ADGRB3: variants seen among roughly 807,000 people sequenced by gnomAD.
The protein encoded by ADGRB3 is brain-specific angiogenesis inhibitor 3.
ADGRB3 carries 37 observed loss-of-function variants against 193.4 expected under a neutral mutation model. That is an observed-to-expected ratio of 0.19 (90% CI 0.15 to 0.25). ADGRB3 has a LOEUF of 0.25. Ranked by LOEUF, ADGRB3 falls within the 10% of genes least tolerant of loss-of-function variation. The pLI is 1.00. For missense variants in ADGRB3, 1,637 were observed against 1,852.9 expected (o/e 0.88, Z 2.14); for synonymous variants, 690 against 644.2 (o/e 1.07, Z -1.08).
At chr6:69,197,831 A>G (rs1254272067) in intron 17 of ADGRB3, among the ~76,000 whole-genome samples, 1 of 152,060 alleles carries the variant, frequency 6.6e-6, no homozygotes, top group African/African-American at 2.4e-5. Flanking sequence ...TTCATGAAGT[A>G]TTTTGCAAAA....
At chr6:68,865,268 T>C (rs1275953985) in intron 3 of ADGRB3, among the ~76,000 whole-genome samples, 1 of 152,122 alleles carries the variant, frequency 6.6e-6, no homozygotes, top group East Asian at 1.9e-4. Context: ...ATTTTGATAA[T>C]GAAAAGTCCA....
At chr6:68,951,710 T>G (rs1274881885) in intron 6 of ADGRB3, among the ~76,000 whole-genome samples, 1 of 152,174 alleles carries the variant, frequency 6.6e-6, no homozygotes, top group Non-Finnish European at 1.5e-5. Flanking sequence ...GAAAGACAGT[T>G]TCAGAAAGAA....
intron 11 of ADGRB3, among the ~76,000 whole-genome samples, chr6:69,011,741 A>G (rs1769943920): frequency 6.6e-6 from 1 of 152,126 alleles, no homozygotes; most frequent in Admixed American, 6.6e-5. Context: ...GCTATGAGCA[A>G]GTCATTATAT....
At chr6:68,817,307 GTATATATATA>G (rs60723627) in intron 3 of ADGRB3, among the ~76,000 whole-genome samples, 814 of 43,834 alleles carry the variant, frequency 0.019, 3 homozygotes, top group East Asian at 0.026. Flanking sequence ...TTTTGTCCAT[GTATATATATA>G]TATATATATA....
At chr6:68,853,627 CA>C (rs1156811960) in intron 3 of ADGRB3, among the ~76,000 whole-genome samples, 1 of 151,844 alleles carries the variant, frequency 6.6e-6, no homozygotes. Context: ...CTAAGGGGTG[CA>C]ACATTATTTA....
At chr6:69,281,025 T>A (rs1160745083) in intron 20 of ADGRB3, among the ~76,000 whole-genome samples, 1 of 152,204 alleles carries the variant, frequency 6.6e-6, no homozygotes, top group African/African-American at 2.4e-5. Flanking sequence ...TTAATTAGTA[T>A]GAAAGCTTAG....
chr6:69,361,728 C>G (rs973057298), intron 29 of ADGRB3, among the ~76,000 whole-genome samples: 2 of 151,494 alleles, frequency 1.3e-5, no homozygotes, highest in African/African-American at 4.8e-5. Flanking sequence ...TCCCCTTATT[C>G]AAGATAATAT....
intron 3 of ADGRB3, among the ~76,000 whole-genome samples, chr6:68,640,201 T>G (rs1768052976): frequency 6.6e-6 from 1 of 152,050 alleles, no homozygotes; most frequent in African/African-American, 2.4e-5. Context: ...TGAGAGTGAA[T>G]TTTTGCCTTT....
intron 3 of ADGRB3, among the ~76,000 whole-genome samples, chr6:68,860,397 C>G (rs1245526522): frequency 2.0e-5 from 3 of 152,188 alleles, no homozygotes; most frequent in Non-Finnish European, 2.9e-5. Flanking sequence ...CCCACTCTCC[C>G]ATTCTGGAGC....
chr6:68,646,263 G>A (rs1363251623), intron 3 of ADGRB3, among the ~76,000 whole-genome samples: 1 of 151,790 alleles, frequency 6.6e-6, no homozygotes, highest in Non-Finnish European at 1.5e-5. Flanking sequence ...GATCACGTGA[G>A]GTCAGGAGTT....
At chr6:68,731,858 T>C (rs1765782384) in intron 3 of ADGRB3, among the ~76,000 whole-genome samples, 1 of 151,658 alleles carries the variant, frequency 6.6e-6, no homozygotes, top group Non-Finnish European at 1.5e-5. Flanking sequence ...TGTAAAGTAA[T>C]GGGCTTGAAT....
Position 69,062,942 on chromosome 6 carries a change from C to T in ADGRB3, c.2342C>T (p.Thr781Ile). The change falls in exon 16 of 32, where the codon ACT (threonine) becomes ATT (isoleucine). Residue 781 changes from threonine to isoleucine, a missense_variant. Physicochemically the swap from Thr to Ile is moderately conservative, Grantham distance 89 (BLOSUM62 -1). Around this residue, in one of 7 missense-constraint regions of ADGRB3, gnomAD observed 641 missense variants for 673.9 expected, o/e 0.95. Transcript: ENST00000370598. ...TAATTACTCTGTTGCAGAAATTATACTGTCATTAATTCCAAAATCATCGTG... is the reference window on the plus strand; with the variant it reads ...TAATTACTCTGTTGCAGAAATTATATTGTCATTAATTCCAAAATCATCGTG... Reference protein sequence around the residue: ...DLILPTLRNYTVINSKIIVVT... With the variant: ...DLILPTLRNYIVINSKIIVVT... 6.2e-7 allele frequency: 1 copy of T among 1,607,746 alleles called. No homozygotes were observed. The highest frequency in any genetic ancestry group is 8.5e-7 in the Non-Finnish European group (1 of 1,175,064).
intron 3 of ADGRB3, among the ~76,000 whole-genome samples, chr6:68,716,102 A>G (rs1032465772): frequency 2.6e-5 from 4 of 151,806 alleles, no homozygotes; most frequent in Admixed American, 2.6e-4. Flanking sequence ...ATTCAAGGTT[A>G]TACAAATCAT....
intron 17 of ADGRB3, among the ~76,000 whole-genome samples, chr6:69,119,327 C>T (rs1383802124): frequency 1.3e-5 from 2 of 152,152 alleles, no homozygotes; most frequent in East Asian, 3.9e-4. Context: ...CTACTATGTG[C>T]AAGGCACATA....
At chr6:69,241,376 A>C (rs970128603) in intron 20 of ADGRB3, among the ~76,000 whole-genome samples, 13 of 151,942 alleles carry the variant, frequency 8.6e-5, no homozygotes, top group African/African-American at 2.7e-4. Context: ...AATATTTTAC[A>C]ATCTTTTTTA....
At chr6:69,150,893 T>C (rs1347218431) in intron 17 of ADGRB3, among the ~76,000 whole-genome samples, 1 of 152,234 alleles carries the variant, frequency 6.6e-6, no homozygotes, top group Non-Finnish European at 1.5e-5. Flanking sequence ...TGTTTAGAAA[T>C]GTCCTCTGGG....
chr6:68,772,894 AATATAT>A (rs1208790675), intron 3 of ADGRB3, among the ~76,000 whole-genome samples: 39 of 22,834 alleles, frequency 1.7e-3, no homozygotes, highest in Admixed American at 5.3e-3. Context: ...AAAAAAAAAA[AATATAT>A]ATATATATAT....
Position 68,975,276 on chromosome 6 carries a change from C to G in ADGRB3, c.1670C>G (p.Ala557Gly), listed in dbSNP as rs887478720. Residue 557 changes from alanine (A) to glycine (G), a missense_variant, in exon 10 of 32, where the codon GCC (alanine) becomes GGC (glycine). This residue lies in a region of ADGRB3 where 641 missense variants were observed against 673.9 expected (regional missense o/e 0.95). Coordinates refer to ENST00000370598, the MANE Select transcript of ADGRB3 (RefSeq NM_001704.3). ...RRCSLSLHGV[A>G]FWEQPSFARC... ...TGCTCTCTCAGTCTTCATGGAGTGG[C>G]CTTCTGGGAACAGCCGAGCTTTGCA... The G allele has an allele frequency of 1.5e-5, 24 of 1,613,880 alleles. No individual in the cohort carries two copies. Among genetic ancestry groups the G allele is most frequent in the Admixed American group, 3.3e-5 (2 of 59,976 alleles).
intron 3 of ADGRB3, among the ~76,000 whole-genome samples, chr6:68,801,729 A>G (rs1767315156): frequency 6.6e-6 from 1 of 152,018 alleles, no homozygotes; most frequent in African/African-American, 2.4e-5. Flanking sequence ...TAAATAATAA[A>G]TCCTATATCC....
Sources: gnomAD v4.1 joint callset for allele counts (sites outside exome capture counted in the v4.1 genomes callset) on GRCh38, gnomAD v4.1.1 for gene constraint, gnomAD v4.1.1 regional missense constraint, MANE v1.5 for transcripts, NCBI Gene and HGNC (gene_info 2026-07-23, HGNC 2026-07-21) for gene names.